Variants in PTDSS2 observed in about 807,000 individuals in gnomAD.
PTDSS2 encodes PSS-2.
Under a neutral mutation model 64.7 loss-of-function variants are expected in PTDSS2, and 41 were observed. That is an observed-to-expected ratio of 0.63 (90% CI 0.49 to 0.82). PTDSS2 has a LOEUF of 0.82. Among genes scored for constraint, PTDSS2 ranks in the 40% least tolerant of loss-of-function variants. The probability of loss-of-function intolerance (pLI) is 0.00; values close to 1 mark genes in which losing one functional copy is unlikely to be tolerated. For synonymous variants in PTDSS2, 297 were observed against 277.8 expected (o/e 1.07, Z -0.69); for missense variants, 485 against 650.0 (o/e 0.75, Z 2.76).
chr11:490,779 CGT>C lies in PTDSS2; in HGVS notation c.*202_*203del. 1 of 610,376 alleles carries C rather than the reference CGT, an allele frequency of 1.6e-6. No individual in the cohort carries two copies. Among genetic ancestry groups the C allele is most frequent in the Non-Finnish European group, 2.9e-6 (1 of 348,084 alleles). The allele number at this position is 610,376 out of a possible 1,614,324, so 37.8% of individuals were successfully genotyped here. ...TCATCTCCATGTGTACACGTGTGTA[CGT>C]GTGTATGCGTGTGTGTACGCGTGTG... On this transcript the variant is annotated 3_prime_UTR_variant, in exon 12 of 12. Transcript: ENST00000308020.
Position 473,899 on chromosome 11 carries a change from A to G in PTDSS2, c.289A>G (p.Ile97Val). Residue 97 changes from isoleucine to valine, a missense_variant, in exon 3 of 12, where the codon ATT (isoleucine) becomes GTT (valine). Around this residue, in one of 3 missense-constraint regions of PTDSS2, gnomAD observed 251 missense variants for 348.0 expected, o/e 0.72. Transcript: ENST00000308020. Reference protein sequence around the residue: ...QDTAYNTKRGIVASILVFLCF... With the variant: ...QDTAYNTKRGVVASILVFLCF... Reference sequence around the variant, plus strand: ...CTGTTTGTTCTTTATTTGCAGAGGTATTGTGGCCAGTATTTTGGTTTTCTT... The same window carrying G: ...CTGTTTGTTCTTTATTTGCAGAGGTGTTGTGGCCAGTATTTTGGTTTTCTT... The G allele has an allele frequency of 2.5e-6, 4 of 1,610,454 alleles. No individual in the cohort carries two copies. Among genetic ancestry groups the G allele is most frequent in the African/African-American group, 1.3e-5 (1 of 74,970 alleles).
chr11:451,744 C>T (rs1366063190), intron 1 of PTDSS2, among the ~76,000 whole-genome samples: 1 of 152,122 alleles, frequency 6.6e-6, no homozygotes, highest in African/African-American at 2.4e-5. Flanking sequence ...CCGGTCCTGG[C>T]CTGTCACCGC....
intron 1 of PTDSS2, chr11:459,383 C>CCAG (rs1846763932): frequency 6.7e-6 from 1 of 149,584 alleles, no homozygotes; most frequent in African/African-American, 2.6e-5. Context: ...AGGACACACT[C>CCAG]TGGTGGATGT....
chr11:488,093 G>T (rs376319355), intron 6 of PTDSS2, 106 bp from the exon 7 acceptor site: 56 of 772,526 alleles, frequency 7.2e-5, no homozygotes, highest in East Asian at 1.3e-4. Flanking sequence ...GGGCGTGGCC[G>T]GCGTCCCATA....
Position 478,945 on chromosome 11 carries a change from T to C in PTDSS2, c.368-140T>C. 4.4e-6 allele frequency: 3 copies of C among 679,306 alleles called. No individual in the cohort carries two copies. The South Asian group carries it at 5.5e-5, about 13-fold the overall frequency. The allele number at this position is 679,306 out of a possible 1,614,324, so 42.1% of individuals were successfully genotyped here. ...TGCCTAATTCTGAGTTACAGCTTTC[T>C]TTATAAAGGCTCTCCCAGGGGCCTG... On this transcript the variant is annotated intron_variant, in intron 3 of 11. Coordinates refer to ENST00000308020, the MANE Select transcript of PTDSS2 (RefSeq NM_030783.3).
chr11:457,086 C>CA (rs1234382577), intron 1 of PTDSS2, among the ~76,000 whole-genome samples: 6 of 152,268 alleles, frequency 3.9e-5, no homozygotes, highest in Admixed American at 6.5e-5. Flanking sequence ...ACAAAAAATA[C>CA]AAAAAAATCC....
At chr11:471,438 C>T (rs751486512) in intron 2 of PTDSS2, among the ~76,000 whole-genome samples, 24 of 152,264 alleles carry the variant, frequency 1.6e-4, no homozygotes, top group Non-Finnish European at 2.6e-4. Context: ...TTGTCATAAA[C>T]ATTATGTGAT....
Position 490,533 on chromosome 11 carries a change from T to C in PTDSS2, c.1415T>C (p.Leu472Pro). 1.2e-6 allele frequency: 2 copies of C among 1,612,332 alleles called. No individual in the cohort carries two copies. Among genetic ancestry groups the C allele is most frequent in the South Asian group, 2.2e-5 (2 of 90,994 alleles). ...DQHPLGLDEDLLGPGVAEGEG... is the reference protein window; with the variant it reads ...DQHPLGLDEDPLGPGVAEGEG... ...CACCCACTGGGGCTGGACGAAGACCTGCTGGGGCCTGGGGTGGCCGAGGGC... is the reference window on the plus strand; with the variant it reads ...CACCCACTGGGGCTGGACGAAGACCCGCTGGGGCCTGGGGTGGCCGAGGGC... The change falls in exon 12 of 12, where the codon CTG becomes CCG. Residue 472 changes from leucine (L) to proline (P), a missense_variant. Physicochemically the swap from Leu to Pro is moderately conservative, Grantham distance 98. This residue lies in a region of PTDSS2 where 219 missense variants were observed against 257.3 expected (regional missense o/e 0.85). Transcript: ENST00000308020.
At chr11:490,384 T>TG (rs759816219) in intron 11 of PTDSS2, 36 bp from the exon 12 acceptor site, 77 of 1,612,586 alleles carry the variant, frequency 4.8e-5, no homozygotes, top group Non-Finnish European at 6.4e-5. Flanking sequence ...GGGGCTGGTG[T>TG]GGGGGCAGGT....
intron 3 of PTDSS2, among the ~76,000 whole-genome samples, chr11:474,247 C>T (rs74647951): frequency 0.026 from 3,887 of 152,306 alleles, 165 homozygotes; most frequent in African/African-American, 0.089. Flanking sequence ...CTTCCTGCTT[C>T]TGCCTCCTCT....
upstream of PTDSS2, chr11:450,231 G>T: frequency 2.7e-6 from 1 of 370,808 alleles, no homozygotes; most frequent in Non-Finnish European, 4.8e-6. Flanking sequence ...TCCAACCCGC[G>T]ACGTCGGACC....
At chr11:453,610 C>T (rs549315642) in intron 1 of PTDSS2, among the ~76,000 whole-genome samples, 20 of 152,356 alleles carry the variant, frequency 1.3e-4, no homozygotes, top group African/African-American at 4.8e-4. Flanking sequence ...GCTTTCCCAG[C>T]TTTGCCTACA....
Position 490,695 on chromosome 11 carries a change from T to C in PTDSS2, c.*113T>C. ...GGCCTTGCCCTCAAGGTTTTTTGCTTTTCTCCTGTGCACCTGGCGAGGCTG... is the reference window on the plus strand; with the variant it reads ...GGCCTTGCCCTCAAGGTTTTTTGCTCTTCTCCTGTGCACCTGGCGAGGCTG... On this transcript the variant is annotated 3_prime_UTR_variant, in exon 12 of 12. Coordinates refer to ENST00000308020, the MANE Select transcript of PTDSS2 (RefSeq NM_030783.3). 8.5e-7 allele frequency: 1 copy of C among 1,177,608 alleles called. No individual in the cohort carries two copies. The highest frequency in any genetic ancestry group is 1.2e-6 in the Non-Finnish European group (1 of 857,194). The allele number at this position is 1,177,608 out of a possible 1,614,324, so 72.9% of individuals were successfully genotyped here.
rs112072924 is a variant in PTDSS2, at chr11:488,070, C to T, written c.622-129C>T. The T allele has an allele frequency of 7.8e-5, 47 of 604,816 alleles. No homozygotes were observed. The African/African-American group carries it at 9.4e-4, about 12-fold the overall frequency. The allele number at this position is 604,816 out of a possible 1,614,324, so 37.5% of individuals were successfully genotyped here. On this transcript the variant is annotated intron_variant, in intron 6 of 11. Transcript: ENST00000308020. Reference sequence around the variant, plus strand: ...CAGCCGGGTGGGGGCTGCACGCACCCGTGGGCAGGGCCGGGCGTGGCCGGC... The same window carrying T: ...CAGCCGGGTGGGGGCTGCACGCACCTGTGGGCAGGGCCGGGCGTGGCCGGC...
At chr11:475,649 G>T (rs570179021) in intron 3 of PTDSS2, among the ~76,000 whole-genome samples, 2 of 152,272 alleles carry the variant, frequency 1.3e-5, no homozygotes, top group East Asian at 1.9e-4. Context: ...TCCACTTCAG[G>T]TTCAACGACT....
rs755538281 is a variant in PTDSS2, at chr11:474,029, C to T, written c.367+52C>T. On this transcript the variant is annotated intron_variant, in intron 3 of 11. Coordinates refer to ENST00000308020, the MANE Select transcript of PTDSS2 (RefSeq NM_030783.3). ...GCCCCTGTGGCATTTCTGTTCTGAG[C>T]GGCCACTCTGTGTCTGTGCTGCTGG... The T allele has an allele frequency of 4.0e-5, 58 of 1,440,530 alleles. 2 individuals are homozygous for T. Among genetic ancestry groups the T allele is most frequent in the South Asian group, 5.7e-5 (5 of 87,740 alleles). 89.2% of individuals were successfully genotyped at this position (1,440,530 alleles called of 1,614,324 possible).
chr11:460,033 C>A lies in PTDSS2; in HGVS notation c.183-154C>A. ...AGACGCAGGGTCATCTCGGAGTTAC[C>A]CAGCTAGGGACTCGCAGCCAGTTGC... is the stretch of plus-strand genomic sequence containing the variant. On this transcript the variant is annotated intron_variant, in intron 1 of 11. Transcript: ENST00000308020. The surrounding 1 kb of genome is among the most constrained non-coding windows in gnomAD (Gnocchi z 5.8). 1 of 631,622 alleles carries A rather than the reference C, an allele frequency of 1.6e-6. No homozygotes were observed. The highest frequency in any genetic ancestry group is 1.8e-5 in the South Asian group (1 of 55,074). The allele number at this position is 631,622 out of a possible 1,614,324, so 39.1% of individuals were successfully genotyped here.
intron 7 of PTDSS2, 50 bp downstream of exon 7, chr11:488,362 T>C (rs1232438464): frequency 1.3e-6 from 2 of 1,494,114 alleles, no homozygotes; most frequent in Non-Finnish European, 1.9e-6. Flanking sequence ...TGAGGGGCAT[T>C]CTCGGAACCC....
intron 1 of PTDSS2, among the ~76,000 whole-genome samples, chr11:454,315 G>T (rs941294389): frequency 2.6e-5 from 4 of 152,152 alleles, no homozygotes; most frequent in African/African-American, 9.7e-5. Context: ...GCACTCGGTG[G>T]CCACCTCAAT....
Sources: allele counts gnomAD v4.1 joint callset (sites outside exome capture counted in the v4.1 genomes callset), GRCh38; gene constraint gnomAD v4.1.1; regional missense constraint gnomAD v4.1.1; non-coding constraint Gnocchi (gnomAD v3.1); transcripts MANE v1.5; gene names NCBI Gene and HGNC (gene_info 2026-07-23, HGNC 2026-07-21).